Variants in BDKRB2 observed in about 807,000 individuals in gnomAD.
BDKRB2 encodes the protein bradykinin receptor B2, also known as B2 bradykinin receptor.
In BDKRB2, 6 loss-of-function variants were observed where a neutral mutation model predicts 4.0. The observed-to-expected ratio is 1.49, with a 90% CI of 0.81 to 2.93. The LOEUF is 2.93. Among genes scored for constraint, BDKRB2 ranks in the 30% most tolerant of loss-of-function variants. The pLI is 0.00. For missense variants in BDKRB2, 478 were observed against 520.1 expected (o/e 0.92, Z 0.79); for synonymous variants, 225 against 215.3 (o/e 1.05, Z -0.40).
chr14:96,240,887 C>T lies in BDKRB2; in HGVS notation c.559C>T (p.Leu187Phe). 2 of 1,595,508 alleles carry T rather than the reference C, an allele frequency of 1.3e-6. No homozygotes were observed. The highest frequency in any genetic ancestry group is 1.7e-4 in the Middle Eastern group (1 of 5,960). Residue 187 changes from leucine (L) to phenylalanine (F), a missense_variant, in exon 3 of 3, where the codon CTC (leucine) becomes TTC (phenylalanine). Leu to Phe is a conservative substitution (Grantham distance 22). Coordinates refer to ENST00000554311, the MANE Select transcript of BDKRB2 (RefSeq NM_001379692.1). ...YSLVIWGCTLLLSSPMLVFRT... is the reference protein window; with the variant it reads ...YSLVIWGCTLFLSSPMLVFRT... ...CTTGGTGATCTGGGGGTGTACGCTG[C>T]TCCTGAGCTCACCCATGCTGGTGTT... is the stretch of plus-strand genomic sequence containing the variant.
chr14:96,231,521 C>T (rs1337214872), intron 1 of BDKRB2, among the ~76,000 whole-genome samples: 1 of 152,138 alleles, frequency 6.6e-6, no homozygotes. Context: ...CCTGCTGTGG[C>T]CTGAGGCTTA....
At chr14:96,223,468 A>G in intron 1 of BDKRB2, 3 of 647,508 alleles carry the variant, frequency 4.6e-6, no homozygotes, top group Non-Finnish European at 2.8e-6. Context: ...AAGATGTTCA[A>G]TACACTGTTT....
At chr14:96,216,397 AAGGT>A (rs751881173) in intron 1 of BDKRB2, among the ~76,000 whole-genome samples, 1 of 152,022 alleles carries the variant, frequency 6.6e-6, no homozygotes, top group Non-Finnish European at 1.5e-5. Flanking sequence ...TTGGTAGACC[AAGGT>A]AGGAGGGTCA....
intron 1 of BDKRB2, among the ~76,000 whole-genome samples, chr14:96,217,560 G>T (rs1207159509): frequency 2.0e-5 from 3 of 152,248 alleles, no homozygotes; most frequent in Non-Finnish European, 4.4e-5. Flanking sequence ...CAGCCCCTGG[G>T]CTAGGCGTCT....
At chr14:96,205,386 T>C (rs1369858173) in intron 1 of BDKRB2, among the ~76,000 whole-genome samples, 2 of 149,984 alleles carry the variant, frequency 1.3e-5, no homozygotes, top group African/African-American at 4.9e-5. Context: ...TGTGTGACCC[T>C]GGACAAGCTA....
chr14:96,227,424 A>C (rs1027554490), intron 1 of BDKRB2, among the ~76,000 whole-genome samples: 1 of 152,160 alleles, frequency 6.6e-6, no homozygotes, highest in Non-Finnish European at 1.5e-5. Flanking sequence ...GGCTTCTGAT[A>C]GGGAGTGGGC....
intron 1 of BDKRB2, among the ~76,000 whole-genome samples, chr14:96,220,071 G>C (rs1047372561): frequency 6.6e-6 from 1 of 151,912 alleles, no homozygotes; most frequent in Non-Finnish European, 1.5e-5. Context: ...TTTTTTTCCA[G>C]AAAGCCCGTT....
intron 1 of BDKRB2, chr14:96,233,750 G>A (rs1890872628): frequency 6.6e-6 from 1 of 152,150 alleles, no homozygotes. Flanking sequence ...AACCAAAACA[G>A]GCTGTCTCCA....
intron 1 of BDKRB2, among the ~76,000 whole-genome samples, chr14:96,206,274 C>G (rs751458705): frequency 6.6e-6 from 1 of 152,136 alleles, no homozygotes; most frequent in South Asian, 2.1e-4. Context: ...AGGAAGCATG[C>G]GTGCTGTCCC....
rs189633783 is a variant in BDKRB2, at chr14:96,218,813, G to A, written c.-40+13854G>A. ...TCATGCCTGTAATCCCAGCTACTAG[G>A]AAGGCTGAGGCAGGATAATTGCTTG... On this transcript the variant is annotated intron_variant, in intron 1 of 2. Coordinates refer to ENST00000554311, the MANE Select transcript of BDKRB2 (RefSeq NM_001379692.1). Among the ~76,000 whole-genome samples the A allele has an allele frequency of 9.9e-5, 15 of 152,142 alleles. No individual in the cohort carries two copies. The East Asian group carries it at 2.3e-3, about 24-fold the overall frequency.
At chr14:96,215,525 A>G (rs1201453900) in intron 1 of BDKRB2, among the ~76,000 whole-genome samples, 1 of 151,792 alleles carries the variant, frequency 6.6e-6, no homozygotes, top group Non-Finnish European at 1.5e-5. Flanking sequence ...TGAATTATCC[A>G]AATATTAAAT....
chr14:96,219,637 T>C (rs1357386248), intron 1 of BDKRB2, among the ~76,000 whole-genome samples: 2 of 151,694 alleles, frequency 1.3e-5, no homozygotes, highest in Admixed American at 6.6e-5. Flanking sequence ...GCATTTGCTG[T>C]CACTATCAGC....
At chr14:96,224,032 T>C (rs1387394653) in intron 1 of BDKRB2, among the ~76,000 whole-genome samples, 1 of 152,112 alleles carries the variant, frequency 6.6e-6, no homozygotes, top group Admixed American at 6.5e-5. Context: ...GATGTGATAA[T>C]GGTTGTCTAG....
At position 96,242,683 on chromosome 14, in the gene BDKRB2, G is replaced by A. The variant is rs1885325465; in HGVS notation, c.*1179G>A. On this transcript the variant is annotated 3_prime_UTR_variant, in exon 3 of 3. Transcript: ENST00000554311. Reference sequence around the variant, plus strand: ...GCCATGTCTTCAAAGTCTGATTTGTGATGAGGCAGAGGAAGATATTTCTAA... The same window carrying A: ...GCCATGTCTTCAAAGTCTGATTTGTAATGAGGCAGAGGAAGATATTTCTAA... The A allele has an allele frequency of 6.6e-6, 1 of 152,280 alleles. No homozygotes were observed. The highest frequency in any genetic ancestry group is 2.4e-5 in the African/African-American group (1 of 41,460). The allele number at this position is 152,280 out of a possible 1,614,324, so 9.4% of individuals were successfully genotyped here.
intron 1 of BDKRB2, among the ~76,000 whole-genome samples, chr14:96,206,855 T>C (rs1890194022): frequency 6.6e-6 from 1 of 152,278 alleles, no homozygotes; most frequent in East Asian, 1.9e-4. Context: ...AGACATTTAT[T>C]GCTCTCGGTG....
intron 1 of BDKRB2, among the ~76,000 whole-genome samples, chr14:96,229,789 C>A (rs1890775608): frequency 2.0e-5 from 3 of 152,064 alleles, no homozygotes; most frequent in Admixed American, 6.5e-5. Context: ...GGGAGTACAG[C>A]AACGTGGCTG....
intron 1 of BDKRB2, among the ~76,000 whole-genome samples, chr14:96,205,761 T>C (rs988864553): frequency 1.3e-5 from 2 of 152,228 alleles, no homozygotes; most frequent in African/African-American, 2.4e-5. Flanking sequence ...TATGCAAAGA[T>C]AGAGGTAGGC....
chr14:96,222,956 A>G (rs1890608637), intron 1 of BDKRB2, among the ~76,000 whole-genome samples: 1 of 152,086 alleles, frequency 6.6e-6, no homozygotes, highest in South Asian at 2.1e-4. Context: ...TCTATTGGAC[A>G]TCACCGACCG....
At chr14:96,238,892 G>C in intron 2 of BDKRB2, 1 of 986,506 alleles carries the variant, frequency 1.0e-6, no homozygotes, top group Non-Finnish European at 1.2e-6. Flanking sequence ...GGGCCGGGTG[G>C]TGTCTTCTTT....
Sources: allele counts gnomAD v4.1 joint callset (sites outside exome capture counted in the v4.1 genomes callset), GRCh38; gene constraint gnomAD v4.1.1; transcripts MANE v1.5; gene names NCBI Gene and HGNC (gene_info 2026-07-23, HGNC 2026-07-21).